Variants in ST6GALNAC3 observed in about 807,000 individuals in gnomAD.
ST6GALNAC3 encodes ST6 N-acetylgalactosaminide alpha-2,6-sialyltransferase 3, also known as alpha-N-acetylgalactosaminide alpha-2,6-sialyltransferase 3.
A neutral mutation model predicts 32.7 loss-of-function variants in ST6GALNAC3; 25 were observed. The observed-to-expected ratio is 0.76, with a 90% confidence interval of 0.56 to 1.07. The LOEUF (loss-of-function observed/expected upper bound fraction) is 1.07. ST6GALNAC3 is among the 50% of genes least tolerant of loss of function. The probability of loss-of-function intolerance (pLI) is 0.00; values close to 1 mark genes in which losing one functional copy is unlikely to be tolerated. For missense variants in ST6GALNAC3, 355 were observed against 382.4 expected (o/e 0.93, Z 0.60); for synonymous variants, 129 against 133.1 (o/e 0.97, Z 0.21).
chr1:76,518,110 G>T (rs944622396), intron 3 of ST6GALNAC3, among the ~76,000 whole-genome samples: 2 of 151,918 alleles, frequency 1.3e-5, no homozygotes, highest in Admixed American at 6.6e-5. Flanking sequence ...AAATACAACA[G>T]TGAACTTGTT....
chr1:76,553,902 C>T (rs535327814), intron 3 of ST6GALNAC3, among the ~76,000 whole-genome samples: 7 of 152,138 alleles, frequency 4.6e-5, no homozygotes, highest in African/African-American at 1.4e-4. Flanking sequence ...ATTACACTCA[C>T]GTATTCATAC....
intron 3 of ST6GALNAC3, among the ~76,000 whole-genome samples, chr1:76,525,383 A>G (rs981588914): frequency 6.6e-6 from 1 of 152,104 alleles, no homozygotes; most frequent in Non-Finnish European, 1.5e-5. Context: ...TTGCAATTCA[A>G]ATATACAGTA....
intron 2 of ST6GALNAC3, among the ~76,000 whole-genome samples, chr1:76,358,495 T>TA (rs1310526423): frequency 2.0e-5 from 3 of 152,162 alleles, no homozygotes; most frequent in Admixed American, 1.3e-4. Flanking sequence ...CTCTAGTTTT[T>TA]ACCTCCTAAT....
At chr1:76,431,205 A>T (rs1655728812) in intron 3 of ST6GALNAC3, among the ~76,000 whole-genome samples, 1 of 152,122 alleles carries the variant, frequency 6.6e-6, no homozygotes, top group African/African-American at 2.4e-5. Context: ...CTGCTTAGAT[A>T]ACCCCAGAAA....
rs554129165 is a variant in ST6GALNAC3 at position 76,310,058 on chromosome 1, A to G, written c.19-3747A>G. On this transcript the variant is annotated intron_variant, in intron 1 of 4. Coordinates refer to ENST00000328299, the MANE Select transcript of ST6GALNAC3 (RefSeq NM_152996.4). ...TTGTCCCCAAACCCCCAGCCATGCA[A>G]TGCAATATAGCAACCAAGAGAACCA... is the stretch of plus-strand genomic sequence containing the variant. The G allele has an allele frequency of 6.5e-6, 3 of 464,126 alleles. 1 individual carries two copies. The highest frequency in any genetic ancestry group is 4.6e-5 in the South Asian group (3 of 64,530). The allele number at this position is 464,126 out of a possible 1,614,324, so 28.8% of individuals were successfully genotyped here.
At chr1:76,550,464 G>A (rs1664554463) in intron 3 of ST6GALNAC3, among the ~76,000 whole-genome samples, 1 of 152,136 alleles carries the variant, frequency 6.6e-6, no homozygotes, top group Admixed American at 6.5e-5. Flanking sequence ...GTATGTGTGT[G>A]TCTCTTTTTG....
intron 3 of ST6GALNAC3, among the ~76,000 whole-genome samples, chr1:76,489,670 T>C (rs1557481095): frequency 6.6e-6 from 1 of 152,128 alleles, no homozygotes; most frequent in Non-Finnish European, 1.5e-5. Flanking sequence ...CTTCCAAAGG[T>C]GGAGCCCTGC....
chr1:76,322,420 T>C (rs1646984686), intron 2 of ST6GALNAC3, among the ~76,000 whole-genome samples: 1 of 152,202 alleles, frequency 6.6e-6, no homozygotes, highest in Admixed American at 6.6e-5. Context: ...GAGAACAACA[T>C]GGACCCAAGT....
chr1:76,329,168 G>A (rs971755010), intron 2 of ST6GALNAC3, among the ~76,000 whole-genome samples: 1 of 152,110 alleles, frequency 6.6e-6, no homozygotes, highest in Non-Finnish European at 1.5e-5. Context: ...AATCATCATG[G>A]CAACAGAATA....
At chr1:76,089,635 G>A (rs1319703018) in intron 1 of ST6GALNAC3, among the ~76,000 whole-genome samples, 1 of 152,124 alleles carries the variant, frequency 6.6e-6, no homozygotes, top group African/African-American at 2.4e-5. Context: ...TTTGATGAAG[G>A]GAATCAAGTT....
chr1:76,242,869 G>T (rs1477255120), intron 1 of ST6GALNAC3, among the ~76,000 whole-genome samples: 1 of 152,186 alleles, frequency 6.6e-6, no homozygotes, highest in African/African-American at 2.4e-5. Flanking sequence ...GGGCATTTGG[G>T]TTGGTTCCAA....
chr1:76,199,373 C>T (rs1654395943), intron 1 of ST6GALNAC3, among the ~76,000 whole-genome samples: 1 of 152,164 alleles, frequency 6.6e-6, no homozygotes, highest in African/African-American at 2.4e-5. Context: ...TTGTCACTTC[C>T]ATAAGGAAAA....
intron 3 of ST6GALNAC3, among the ~76,000 whole-genome samples, chr1:76,596,121 A>G (rs866352307): frequency 6.6e-6 from 1 of 152,192 alleles, no homozygotes; most frequent in African/African-American, 2.4e-5. Context: ...AGACAAACAT[A>G]TGAAATGTGG....
rs371553824 is a variant in ST6GALNAC3, at chr1:76,220,941, A to G, written c.19-92864A>G. 9.1e-4 allele frequency among the ~76,000 whole-genome samples: 139 copies of G among 152,334 alleles called. 2 individuals are homozygous for G. Among genetic ancestry groups the G allele is most frequent in the African/African-American group, 3.1e-3 (130 of 41,574 alleles). ...GCATAGTCTGATATTTCCAAAGGTA[A>G]CAGTTGTCACATAGGTGGTCCTGCC... On this transcript the variant is annotated intron_variant, in intron 1 of 4. Coordinates refer to ENST00000328299, the MANE Select transcript of ST6GALNAC3 (RefSeq NM_152996.4).
intron 1 of ST6GALNAC3, among the ~76,000 whole-genome samples, chr1:76,075,112 G>A (rs1013085597): frequency 1.3e-5 from 2 of 152,264 alleles, no homozygotes; most frequent in Admixed American, 6.5e-5. Context: ...CTGCATTGAA[G>A]GAGCTGCAGA....
rs758529243 is a variant in ST6GALNAC3 at position 76,416,627 on chromosome 1, G to GTTTTTTTTT, written c.623+4220_623+4228dup. Among the ~76,000 whole-genome samples, 11 of 113,474 alleles carry GTTTTTTTTT rather than the reference G, an allele frequency of 9.7e-5. 1 individual carries two copies. The highest frequency in any genetic ancestry group is 2.3e-4 in the African/African-American group (7 of 29,794). The allele number at this position is 113,474 out of a possible 152,430, so 74.4% of individuals were successfully genotyped here. ...CACTTTTCCAAGTATTGTGGGTTTT[G>GTTTTTTTTT]TTTTTTTTTTTTTTTTTTGAGACAG... On this transcript the variant is annotated intron_variant, in intron 3 of 4. Transcript: ENST00000328299.
intron 3 of ST6GALNAC3, among the ~76,000 whole-genome samples, chr1:76,540,263 A>G (rs1376319232): frequency 1.3e-5 from 2 of 152,098 alleles, no homozygotes; most frequent in African/African-American, 4.8e-5. Flanking sequence ...GGAACAGAAA[A>G]CCAAACACCA....
intron 2 of ST6GALNAC3, among the ~76,000 whole-genome samples, chr1:76,399,565 A>T (rs1199935886): frequency 6.6e-6 from 1 of 152,126 alleles, no homozygotes; most frequent in Admixed American, 6.6e-5. Context: ...GGCCCTTTGC[A>T]TCTCTATAAA....
intron 3 of ST6GALNAC3, among the ~76,000 whole-genome samples, chr1:76,568,038 C>T (rs1002801072): frequency 3.3e-5 from 5 of 152,144 alleles, no homozygotes; most frequent in African/African-American, 1.2e-4. Context: ...AAGAAGAAAA[C>T]ACTTTAAACT....
Sources: gnomAD v4.1 joint callset for allele counts (sites outside exome capture counted in the v4.1 genomes callset) on GRCh38, gnomAD v4.1.1 for gene constraint, MANE v1.5 for transcripts, NCBI Gene and HGNC (gene_info 2026-07-23, HGNC 2026-07-21) for gene names.